The following NAALADL2 variants were observed in gnomAD, a reference collection of about 807,000 sequenced individuals.
NAALADL2 encodes the protein inactive N-acetylated-alpha-linked acidic dipeptidase-like protein 2.
NAALADL2 carries 76 observed loss-of-function variants against 87.2 expected under a neutral mutation model. That is an observed-to-expected ratio of 0.87 (90% CI 0.72 to 1.05). The LOEUF (loss-of-function observed/expected upper bound fraction) is 1.05. Among genes scored for constraint, NAALADL2 ranks in the 50% least tolerant of loss-of-function variants. The pLI, the probability that NAALADL2 is intolerant of heterozygous loss-of-function variation, is 0.00. For missense variants in NAALADL2, 1,089 were observed against 945.8 expected, an observed-to-expected ratio of 1.15 and a Z score of -1.99; for synonymous variants, 354 against 331.0, an observed-to-expected ratio of 1.07 and a Z score of -0.75.
At chr3:174,832,359 G>A (rs1371301780) in intron 3 of NAALADL2, among the ~76,000 whole-genome samples, 6 of 152,084 alleles carry the variant, frequency 3.9e-5, no homozygotes, top group East Asian at 3.9e-4. Flanking sequence ...CCTTCATTTC[G>A]TTATGTACCC....
intron 5 of NAALADL2, among the ~76,000 whole-genome samples, chr3:175,415,740 T>G (rs559324897): frequency 5.3e-5 from 8 of 152,052 alleles, no homozygotes; most frequent in Middle Eastern, 3.4e-3. Context: ...GATATTAATA[T>G]TATAAGTAAC....
chr3:174,991,383 T>C (rs1746719824), intron 1 of NAALADL2, among the ~76,000 whole-genome samples: 1 of 152,132 alleles, frequency 6.6e-6, no homozygotes, highest in Admixed American at 6.5e-5. Flanking sequence ...GATTTTTCAT[T>C]TTCTCTAATG....
intron 4 of NAALADL2, among the ~76,000 whole-genome samples, chr3:175,312,919 T>C (rs184324538): frequency 1.3e-5 from 2 of 152,298 alleles, no homozygotes; most frequent in Non-Finnish European, 1.5e-5. Context: ...GTTTGGCACA[T>C]ATTTGCCTTA....
At chr3:174,808,728 A>G (rs558075073) in intron 3 of NAALADL2, among the ~76,000 whole-genome samples, 31 of 152,142 alleles carry the variant, frequency 2.0e-4, no homozygotes, top group Non-Finnish European at 3.4e-4. Context: ...TGAAAAAACT[A>G]GAATTTGCTT....
chr3:175,471,686 C>T lies in NAALADL2; in HGVS notation c.1581C>T (p.Leu527=). 1 of 1,582,930 alleles carries T rather than the reference C, an allele frequency of 6.3e-7. No individual in the cohort carries two copies. Among genetic ancestry groups the T allele is most frequent in the Non-Finnish European group, 8.7e-7 (1 of 1,154,328 alleles). Residue 527 remains leucine (L), a synonymous_variant, in exon 9 of 14, where the codon CTC becomes CTT. Transcript: ENST00000454872. ...LQKNVVAYIS[L]HSPIRGNSSL... ...AAAATGTTGTGGCTTATATTAGCCT[C>T]CACAGTCCCATAAGGGGGAACTCTA...
chr3:175,674,001 A>T (rs79876814), intron 11 of NAALADL2, among the ~76,000 whole-genome samples: 3,142 of 152,064 alleles, frequency 0.021, 116 homozygotes, highest in African/African-American at 0.071. Context: ...AGATCCCTAT[A>T]ATGTTATGAA....
At chr3:175,328,164 C>A (rs1464184399) in intron 5 of NAALADL2, among the ~76,000 whole-genome samples, 1 of 152,166 alleles carries the variant, frequency 6.6e-6, no homozygotes, top group South Asian at 2.1e-4. Flanking sequence ...ACACTAGGAT[C>A]ATGGCACCAG....
intron 5 of NAALADL2, among the ~76,000 whole-genome samples, chr3:175,390,264 T>C (rs1208362124): frequency 6.6e-6 from 1 of 152,144 alleles, no homozygotes; most frequent in African/African-American, 2.4e-5. Flanking sequence ...TCCATGATCA[T>C]TTTACTGTTT....
chr3:174,791,092 A>T (rs1717408462), intron 3 of NAALADL2, among the ~76,000 whole-genome samples: 1 of 152,198 alleles, frequency 6.6e-6, no homozygotes, highest in Non-Finnish European at 1.5e-5. Flanking sequence ...GCACAAAGTA[A>T]AATACTTAAC....
At chr3:175,648,207 T>G (rs896334735) in intron 11 of NAALADL2, among the ~76,000 whole-genome samples, 1 of 152,198 alleles carries the variant, frequency 6.6e-6, no homozygotes, top group Non-Finnish European at 1.5e-5. Flanking sequence ...ACTTTCCTTG[T>G]GTTATTGAGA....
intron 9 of NAALADL2, among the ~76,000 whole-genome samples, chr3:175,563,561 G>C (rs1582415427): frequency 6.6e-6 from 1 of 152,262 alleles, no homozygotes; most frequent in Non-Finnish European, 1.5e-5. Flanking sequence ...TTCTGTCCCA[G>C]TGGAAGAATT....
chr3:174,793,038 C>T lies in NAALADL2; in HGVS notation c.-9+55292C>T, dbSNP rs115072058. ...TCATAAGCATTGAAATATGAAGATTCACTTTGAGTGCATGGAACCACTGCA... is the reference window on the plus strand; with the variant it reads ...TCATAAGCATTGAAATATGAAGATTTACTTTGAGTGCATGGAACCACTGCA... On this transcript the variant is annotated intron_variant, in intron 3 of 3. Transcript: ENST00000434257. Among the ~76,000 whole-genome samples the T allele has an allele frequency of 4.1e-3, 627 of 152,174 alleles. 3 individuals carry two copies. The highest frequency in any genetic ancestry group is 7.7e-3 in the Non-Finnish European group (524 of 68,008).
intron 2 of NAALADL2, among the ~76,000 whole-genome samples, chr3:175,105,056 G>A (rs906312357): frequency 2.0e-5 from 3 of 152,032 alleles, no homozygotes; most frequent in African/African-American, 7.2e-5. Context: ...GTTGACAGTG[G>A]GGCCTTTGAC....
intron 10 of NAALADL2, among the ~76,000 whole-genome samples, chr3:175,615,908 T>G (rs969994921): frequency 2.0e-5 from 3 of 147,678 alleles, no homozygotes; most frequent in Admixed American, 1.4e-4. Context: ...ATACGTATAA[T>G]ATATATTTAT....
chr3:175,220,790 T>C (rs1743233660), intron 2 of NAALADL2, among the ~76,000 whole-genome samples: 1 of 152,220 alleles, frequency 6.6e-6, no homozygotes, highest in Non-Finnish European at 1.5e-5. Context: ...ATCGTTTATC[T>C]TTTTCTTTCA....
intron 1 of NAALADL2, among the ~76,000 whole-genome samples, chr3:175,042,367 T>A (rs1268146405): frequency 1.3e-5 from 2 of 152,184 alleles, no homozygotes; most frequent in East Asian, 3.8e-4. Context: ...TTAGGTTGTT[T>A]CCATATTTTG....
At chr3:175,055,230 A>T (rs1191074295) in intron 1 of NAALADL2, among the ~76,000 whole-genome samples, 1 of 152,154 alleles carries the variant, frequency 6.6e-6, no homozygotes, top group African/African-American at 2.4e-5. Context: ...CCATTCTCGC[A>T]TACGGCACAA....
At chr3:174,614,688 T>C (rs1016637033) in intron 2 of NAALADL2, among the ~76,000 whole-genome samples, 4 of 152,216 alleles carry the variant, frequency 2.6e-5, no homozygotes, top group Admixed American at 6.5e-5. Flanking sequence ...TTGGCTCTTA[T>C]GAAGGTATTT....
At chr3:174,562,474 G>T (rs1221010832) in intron 2 of NAALADL2, among the ~76,000 whole-genome samples, 2 of 152,216 alleles carry the variant, frequency 1.3e-5, no homozygotes, top group African/African-American at 4.8e-5. Flanking sequence ...TTGTGGAGCT[G>T]TAGAAATGAC....
Sources: allele counts gnomAD v4.1 joint callset (sites outside exome capture counted in the v4.1 genomes callset), GRCh38; gene constraint gnomAD v4.1.1; transcripts MANE v1.5; gene names NCBI Gene and HGNC (gene_info 2026-07-23, HGNC 2026-07-21).